Variants in LRGUK observed in about 807,000 individuals in gnomAD.
LRGUK encodes leucine-rich repeat and guanylate kinase domain-containing protein.
Under a neutral mutation model 76.0 loss-of-function variants are expected in LRGUK, and 65 were observed. The observed-to-expected ratio is 0.85, with a 90% CI of 0.70 to 1.05. LRGUK has a LOEUF of 1.05. Ranked by LOEUF, LRGUK falls within the 50% of genes least tolerant of loss-of-function variation. The pLI is 0.00. For synonymous variants in LRGUK, 268 were observed against 265.6 expected, an observed-to-expected ratio of 1.01 and a Z score of -0.09; for missense variants, 758 against 732.8, an observed-to-expected ratio of 1.03 and a Z score of -0.40.
chr7:134,143,554 G>T (rs1408628328), intron 4 of LRGUK, among the ~76,000 whole-genome samples: 1 of 152,160 alleles, frequency 6.6e-6, no homozygotes, highest in Non-Finnish European at 1.5e-5. Flanking sequence ...CAGATGTACA[G>T]CATGATGTTA....
At chr7:134,192,014 G>C (rs930868944) in intron 12 of LRGUK, among the ~76,000 whole-genome samples, 4 of 151,962 alleles carry the variant, frequency 2.6e-5, no homozygotes, top group African/African-American at 7.3e-5. Flanking sequence ...TAGAACTAAA[G>C]CAGTATGAAA....
intron 1 of LRGUK, among the ~76,000 whole-genome samples, chr7:134,135,675 A>G (rs1260101965): frequency 6.6e-6 from 1 of 152,194 alleles, no homozygotes; most frequent in African/African-American, 2.4e-5. Flanking sequence ...GCCTCCATGC[A>G]GGTGGTATTT....
intron 16 of LRGUK, among the ~76,000 whole-genome samples, chr7:134,222,581 C>G (rs1441915478): frequency 1.3e-5 from 2 of 151,672 alleles, no homozygotes; most frequent in Admixed American, 6.6e-5. Flanking sequence ...TTAAGGCTAG[C>G]CTGTTTTTGT....
intron 16 of LRGUK, among the ~76,000 whole-genome samples, chr7:134,230,360 G>A (rs1054205220): frequency 2.0e-5 from 3 of 152,052 alleles, no homozygotes. Context: ...ATCAATATGT[G>A]GGGCAATGGA....
chr7:134,194,511 G>A (rs1442886030), intron 12 of LRGUK, among the ~76,000 whole-genome samples: 1 of 152,146 alleles, frequency 6.6e-6, no homozygotes, highest in East Asian at 1.9e-4. Context: ...GGAGGCTGAG[G>A]TGGGAGGATT....
At chr7:134,215,582 T>C (rs4732009) in intron 15 of LRGUK, among the ~76,000 whole-genome samples, 8,975 of 152,072 alleles carry the variant, frequency 0.059, 585 homozygotes, top group African/African-American at 0.15. Context: ...AATCTATATG[T>C]ATACGTTTTA....
At chr7:134,160,716 T>C (rs1030414999) in intron 6 of LRGUK, among the ~76,000 whole-genome samples, 1 of 152,216 alleles carries the variant, frequency 6.6e-6, no homozygotes. Context: ...AACTTTAAAA[T>C]TCATTTCGTC....
chr7:134,253,374 A>G (rs1585604434), intron 18 of LRGUK, among the ~76,000 whole-genome samples: 1 of 152,228 alleles, frequency 6.6e-6, no homozygotes, highest in East Asian at 1.9e-4. Context: ...GAAGAAATGT[A>G]GTTTTAAAAT....
chr7:134,174,007 G>A (rs1799373791), intron 7 of LRGUK, among the ~76,000 whole-genome samples: 1 of 151,876 alleles, frequency 6.6e-6, no homozygotes, highest in South Asian at 2.1e-4. Context: ...TACTCAGGAG[G>A]CTGAGGCAGG....
intron 19 of LRGUK, among the ~76,000 whole-genome samples, chr7:134,260,247 G>T (rs897917459): frequency 2.6e-5 from 4 of 152,042 alleles, no homozygotes; most frequent in African/African-American, 7.2e-5. Context: ...TATTGAGCCA[G>T]ATAAGATGAG....
At position 134,158,018 on chromosome 7, in the gene LRGUK, G is replaced by A. The variant is rs754133377; in HGVS notation, c.671-17G>A. The A allele has an allele frequency of 1.6e-5, 26 of 1,585,638 alleles. No homozygotes were observed. Among genetic ancestry groups the A allele is most frequent in the Admixed American group, 6.8e-5 (4 of 58,930 alleles). ...GCTTTTAATAACATTTTCCTTAAAC[G>A]TAGTCATGGTGTATAGGCAATGAGA... On this transcript the variant is annotated splice_polypyrimidine_tract_variant and intron_variant, in intron 5 of 15. Transcript: ENST00000645682.
chr7:134,135,747 C>T (rs1358296148), intron 1 of LRGUK, among the ~76,000 whole-genome samples: 1 of 152,322 alleles, frequency 6.6e-6, no homozygotes, highest in East Asian at 1.9e-4. Flanking sequence ...GCTCTGCCTC[C>T]TGGGTTCACG....
chr7:134,193,746 A>G (rs1464888562), intron 12 of LRGUK, among the ~76,000 whole-genome samples: 2 of 152,084 alleles, frequency 1.3e-5, no homozygotes, highest in African/African-American at 2.4e-5. Flanking sequence ...AGCTTTGCCA[A>G]TCACCCACAG....
chr7:134,253,322 G>A (rs1378899528), intron 18 of LRGUK, among the ~76,000 whole-genome samples: 1 of 152,176 alleles, frequency 6.6e-6, no homozygotes, highest in Non-Finnish European at 1.5e-5. Context: ...AGTTGAGGAG[G>A]TAGAGGTGGA....
chr7:134,191,728 G>A, exon 12 of LRGUK: 7 of 1,611,406 alleles, frequency 4.3e-6, no homozygotes, highest in South Asian at 1.1e-5. Flanking sequence ...CTCTCAAGAC[G>A]TTTTTGATGA....
rs375677274 is a variant in LRGUK, at chr7:134,144,743, T to G, written c.588+1581T>G. Among the ~76,000 whole-genome samples, 13 of 152,334 alleles carry G rather than the reference T, an allele frequency of 8.5e-5. 1 individual carries two copies. Among genetic ancestry groups the G allele is most frequent in the African/African-American group, 3.1e-4 (13 of 41,576 alleles). The stretch of plus-strand genomic sequence containing the variant: ...CTTAATTTTCAATTTTTCTTCAGTT[T>G]TATATCATTCCCTTATCAATAGTGC... On this transcript the variant is annotated intron_variant, in intron 4 of 15. Transcript: ENST00000645682.
intron 16 of LRGUK, among the ~76,000 whole-genome samples, chr7:134,222,834 G>A (rs977676713): frequency 6.6e-6 from 1 of 152,056 alleles, no homozygotes; most frequent in Non-Finnish European, 1.5e-5. Context: ...CCAACCTCAG[G>A]TGATCTGCTT....
downstream of LRGUK, among the ~76,000 whole-genome samples, chr7:134,215,063 G>A (rs910888103): frequency 2.0e-5 from 3 of 152,134 alleles, no homozygotes; most frequent in African/African-American, 7.2e-5. Flanking sequence ...TGCTTGTTAT[G>A]AGGAATCCTG....
intron 16 of LRGUK, among the ~76,000 whole-genome samples, chr7:134,222,803 T>A (rs1801635249): frequency 6.6e-6 from 1 of 152,066 alleles, no homozygotes; most frequent in African/African-American, 2.4e-5. Context: ...AGATGGGGTT[T>A]TTCTTGTTGG....
Sources: allele counts gnomAD v4.1 joint callset (sites outside exome capture counted in the v4.1 genomes callset), GRCh38; gene constraint gnomAD v4.1.1; transcripts MANE v1.5; gene names NCBI Gene and HGNC (gene_info 2026-07-23, HGNC 2026-07-21).